Variants in HORMAD1 observed in about 807,000 individuals in gnomAD.
HORMAD1 encodes HORMA domain containing 1, also known as HORMA domain-containing protein 1.
Under a neutral mutation model 58.2 loss-of-function variants are expected in HORMAD1, and 33 were observed. The ratio of observed to expected loss-of-function variants is 0.57; its 90% CI spans 0.43 to 0.76. The LOEUF (loss-of-function observed/expected upper bound fraction) is 0.76. Among genes scored for constraint, HORMAD1 ranks in the 30% least tolerant of loss-of-function variants. HORMAD1 has a pLI of 0.00. For synonymous variants in HORMAD1, 137 were observed against 144.6 expected (o/e 0.95, Z 0.38); for missense variants, 363 against 462.0 (o/e 0.79, Z 1.96).
chr1:150,698,588 T>C lies in HORMAD1; in HGVS notation c.*66A>G, dbSNP rs934729907. On this transcript the variant is annotated 3_prime_UTR_variant, in exon 15 of 15. Coordinates refer to ENST00000361824, the MANE Select transcript of HORMAD1 (RefSeq NM_032132.5). ...ATACATCTTCAGAGTTAGGGAAATATAATATAGGGTCCTTCAGTTTAAATG... is the reference window on the plus strand; with the variant it reads ...ATACATCTTCAGAGTTAGGGAAATACAATATAGGGTCCTTCAGTTTAAATG... 42 of 825,996 alleles carry C rather than the reference T, an allele frequency of 5.1e-5. No homozygotes were observed. The highest frequency in any genetic ancestry group is 7.5e-5 in the Non-Finnish European group (38 of 503,448). The allele number at this position is 825,996 out of a possible 1,614,324, so 51.2% of individuals were successfully genotyped here. A position where few individuals can be genotyped will look rare whatever the true frequency, so the allele number is the denominator to read the frequency against.
At chr1:150,709,498 C>A (rs965931873) in intron 7 of HORMAD1, among the ~76,000 whole-genome samples, 4 of 152,204 alleles carry the variant, frequency 2.6e-5, no homozygotes, top group African/African-American at 9.7e-5. Context: ...AAACCAGGGG[C>A]ACAATGCATT....
Position 150,710,022 on chromosome 1 carries a change from G to A in HORMAD1, c.328-1061C>T, listed in dbSNP as rs917858965. Among the ~76,000 whole-genome samples the A allele has an allele frequency of 5.9e-5, 9 of 152,242 alleles. No individual in the cohort carries two copies. In the East Asian group the frequency reaches 9.6e-4, roughly 16 times the overall value. On this transcript the variant is annotated intron_variant, in intron 7 of 14. Transcript: ENST00000361824. ...CATTCCTTTTTACTAAAATAATGAA[G>A]ATAATAATCAATAAAAACTGAGGGA...
Position 150,704,198 on chromosome 1 carries a change from TAAAAA to T in HORMAD1, c.872-9_872-5del. 1.2e-5 allele frequency: 17 copies of T among 1,426,750 alleles called. No individual in the cohort carries two copies. Among genetic ancestry groups the T allele is most frequent in the Admixed American group, 7.7e-5 (3 of 38,994 alleles). 88.4% of individuals were successfully genotyped at this position (1,426,750 alleles called of 1,614,324 possible). ...TCCTCACAAACTAAACTTGGTTCTG[TAAAAA>T]AAAAAAAAAAAAGTTACCCGGGTAT... is the stretch of plus-strand genomic sequence containing the variant. On this transcript the variant is annotated splice_polypyrimidine_tract_variant and splice_region_variant and intron_variant, in intron 11 of 14. Coordinates refer to ENST00000361824, the MANE Select transcript of HORMAD1 (RefSeq NM_032132.5).
intron 9 of HORMAD1, 68 bp downstream of exon 9, chr1:150,708,188 G>T: frequency 8.1e-6 from 10 of 1,240,168 alleles, no homozygotes; most frequent in South Asian, 5.8e-5. Flanking sequence ...ATTTGGAATG[G>T]AAACCAATTG....
intron 2 of HORMAD1, 117 bp downstream of exon 2, chr1:150,719,356 C>T (rs1379577690): frequency 2.7e-5 from 18 of 673,238 alleles, no homozygotes; most frequent in Non-Finnish European, 1.8e-5. Context: ...CATGCAGTTT[C>T]CTGGTATCAT....
intron 9 of HORMAD1, among the ~76,000 whole-genome samples, chr1:150,707,431 G>A (rs751804037): frequency 5.3e-5 from 8 of 152,232 alleles, no homozygotes; most frequent in African/African-American, 1.9e-4. Flanking sequence ...CCCAATGAAG[G>A]ACACTGAAGT....
intron 12 of HORMAD1, 147 bp downstream of exon 12, chr1:150,703,971 T>G: frequency 1.7e-6 from 1 of 575,822 alleles, no homozygotes; most frequent in Non-Finnish European, 3.0e-6. Context: ...ACATATAATT[T>G]CCAGATTTAG....
At chr1:150,707,209 A>G (rs780359099) in intron 9 of HORMAD1, among the ~76,000 whole-genome samples, 7 of 152,238 alleles carry the variant, frequency 4.6e-5, no homozygotes, top group Non-Finnish European at 1.0e-4. Flanking sequence ...TCTAGAAGAC[A>G]TGCATATAAT....
In HORMAD1 at chr1:150,698,714, A is replaced by C. The variant is rs1651445204; in HGVS notation, c.1125T>G (p.Ser375=). The C allele has an allele frequency of 6.3e-7, 1 of 1,596,914 alleles. No individual in the cohort carries two copies. Among genetic ancestry groups the C allele is most frequent in the Admixed American group, 1.7e-5 (1 of 59,452 alleles). Residue 375 remains serine (S), a synonymous_variant, in exon 15 of 15, where the codon TCT becomes TCG. Transcript: ENST00000361824. ...TTTTTGGCACTGACTCTTGACTAGA[A>C]GAATCAAAGTGATGGAGGACCTGTC... The part of the protein sequence containing the change: ...SGRIVLHHFD[S]SSQESVPKRR...
intron 10 of HORMAD1, among the ~76,000 whole-genome samples, chr1:150,705,888 A>G (rs953814739): frequency 3.9e-5 from 6 of 152,368 alleles, no homozygotes; most frequent in Middle Eastern, 6.8e-3. Context: ...CACAGAATAC[A>G]AGAGAGGTGA....
intron 2 of HORMAD1, among the ~76,000 whole-genome samples, chr1:150,718,596 C>A (rs587759672): frequency 2.0e-5 from 3 of 152,126 alleles, no homozygotes; most frequent in South Asian, 4.2e-4. Context: ...ACAAATATAG[C>A]AAATGCATAT....
intron 9 of HORMAD1, among the ~76,000 whole-genome samples, chr1:150,707,839 G>A (rs1651743979): frequency 6.6e-6 from 1 of 152,182 alleles, no homozygotes; most frequent in Non-Finnish European, 1.5e-5. Flanking sequence ...AGGAGGCTGA[G>A]ACAGGAGAAT....
At chr1:150,704,605 A>G (rs1651634413) in intron 10 of HORMAD1, among the ~76,000 whole-genome samples, 2 of 152,086 alleles carry the variant, frequency 1.3e-5, no homozygotes, top group Admixed American at 1.3e-4. Flanking sequence ...AAAATTAGCC[A>G]GGTGTGGTGG....
In HORMAD1 at chr1:150,704,214, AAG is replaced by A. The variant is rs1261747785; in HGVS notation, c.872-22_872-21del. On this transcript the variant is annotated intron_variant, in intron 11 of 14. Transcript: ENST00000361824. The stretch of plus-strand genomic sequence containing the variant: ...TTGGTTCTGTAAAAAAAAAAAAAAA[AAG>A]TTACCCGGGTATAAAATTGAGTTGG... The A allele has an allele frequency of 6.5e-7, 1 of 1,538,222 alleles. No homozygotes were observed. Among genetic ancestry groups the A allele is most frequent in the South Asian group, 1.2e-5 (1 of 83,038 alleles).
At chr1:150,701,595 A>G (rs1651541310) in intron 13 of HORMAD1, among the ~76,000 whole-genome samples, 1 of 152,146 alleles carries the variant, frequency 6.6e-6, no homozygotes, top group South Asian at 2.1e-4. Context: ...CTAGCACACC[A>G]CTAACAGAGT....
intron 4 of HORMAD1, 52 bp from the exon 5 acceptor site, chr1:150,714,173 T>C (rs994101354): frequency 9.0e-6 from 10 of 1,112,592 alleles, no homozygotes; most frequent in Non-Finnish European, 1.3e-5. Flanking sequence ...TTCCAGAAAA[T>C]AGTTATTTTC....
chr1:150,717,394 C>T (rs1652113152), intron 2 of HORMAD1, 112 bp from the exon 3 acceptor site: 1 of 562,552 alleles, frequency 1.8e-6, no homozygotes, highest in Non-Finnish European at 2.9e-6. Flanking sequence ...CCCAAGAATT[C>T]CTCCCTATAT....
At chr1:150,705,776 T>C (rs587598185) in intron 10 of HORMAD1, among the ~76,000 whole-genome samples, 7 of 152,266 alleles carry the variant, frequency 4.6e-5, no homozygotes, top group Admixed American at 1.3e-4. Flanking sequence ...TGGTTGAAAA[T>C]TGATTGAATT....
intron 10 of HORMAD1, 27 bp from the exon 11 acceptor site, chr1:150,704,370 T>A (rs1443395878): frequency 7.0e-7 from 1 of 1,434,862 alleles, no homozygotes; most frequent in Non-Finnish European, 9.5e-7. Context: ...AGAAAAAAAT[T>A]GACACATTTC....
Sources: allele counts gnomAD v4.1 joint callset (sites outside exome capture counted in the v4.1 genomes callset), GRCh38; gene constraint gnomAD v4.1.1; transcripts MANE v1.5; gene names NCBI Gene and HGNC (gene_info 2026-07-23, HGNC 2026-07-21).